Variants in PEAK1 observed in about 807,000 individuals in gnomAD.
PEAK1 encodes inactive tyrosine-protein kinase PEAK1.
In PEAK1, 54 loss-of-function variants were observed where a neutral mutation model predicts 124.7. The observed-to-expected ratio is 0.43, with a 90% CI of 0.35 to 0.54. PEAK1 has a LOEUF of 0.54. PEAK1 is among the 20% of genes least tolerant of loss of function. The pLI is 0.01. For missense variants in PEAK1, 2,046 were observed against 2,134.5 expected (o/e 0.96, Z 0.82); for synonymous variants, 719 against 760.0 (o/e 0.95, Z 0.89).
chr15:77,360,781 A>G (rs1334732755), intron 2 of PEAK1, among the ~76,000 whole-genome samples: 1 of 151,200 alleles, frequency 6.6e-6, no homozygotes, highest in Non-Finnish European at 1.5e-5. Context: ...TATATGTAAT[A>G]TAAATAAACA....
At chr15:77,198,644 T>C (rs2058220610) in intron 6 of PEAK1, among the ~76,000 whole-genome samples, 1 of 152,162 alleles carries the variant, frequency 6.6e-6, no homozygotes, top group African/African-American at 2.4e-5. Flanking sequence ...AAAACAGCAT[T>C]TGTATGGGTG....
chr15:77,337,867 A>AATTCCCT (rs1343538532), intron 2 of PEAK1: 10 of 985,250 alleles, frequency 1.0e-5, no homozygotes, highest in Non-Finnish European at 1.2e-5. Flanking sequence ...GAAAAAAATC[A>AATTCCCT]ATTCCCTTGT....
rs372472603 is a variant in PEAK1, at chr15:77,114,852, G to A, written c.4545C>T (p.Cys1515=). The A allele has an allele frequency of 3.7e-6, 6 of 1,613,216 alleles. No homozygotes were observed. The African/African-American group carries it at 5.3e-5, about 14-fold the overall frequency. Residue 1515 remains cysteine (C), a synonymous_variant, in exon 10 of 10, where the codon TGC becomes TGT. Transcript: ENST00000682557. The part of the protein sequence containing the change: ...EHLKPYHVTH[C]DLRLENLLLV... ...GTAGCAGGTTCTCTAGGCGTAGATC[G>A]CAGTGAGTGACATGGTAGGGTTTGA... is the stretch of plus-strand genomic sequence containing the variant.
At chr15:77,278,760 G>A in intron 5 of PEAK1, 1 of 467,774 alleles carries the variant, frequency 2.1e-6, no homozygotes, top group South Asian at 1.7e-5. Flanking sequence ...TTTGATAACT[G>A]TGTACTTCTG....
At chr15:77,337,665 A>T (rs1004731062) in intron 2 of PEAK1, 1 of 985,400 alleles carries the variant, frequency 1.0e-6, no homozygotes, top group Non-Finnish European at 1.2e-6. Flanking sequence ...ACCATGGCAT[A>T]TGCAAAAAAT....
intron 1 of PEAK1, among the ~76,000 whole-genome samples, chr15:77,391,602 T>C (rs1225451008): frequency 6.6e-6 from 1 of 151,850 alleles, no homozygotes; most frequent in Non-Finnish European, 1.5e-5. Context: ...GTACTATTTC[T>C]GGCTCAGGCT....
chr15:77,364,858 T>A (rs915066123), intron 2 of PEAK1, among the ~76,000 whole-genome samples: 2 of 152,182 alleles, frequency 1.3e-5, no homozygotes, highest in Admixed American at 6.5e-5. Flanking sequence ...TCAAAAATAT[T>A]AGATTATAAT....
At chr15:77,352,817 A>T (rs2067286887) in intron 2 of PEAK1, 7 of 985,174 alleles carry the variant, frequency 7.1e-6, no homozygotes, top group Non-Finnish European at 8.4e-6. Context: ...TTGAAGATAG[A>T]TGTGCCAAAC....
chr15:77,129,717 A>C (rs1466601190), intron 9 of PEAK1, among the ~76,000 whole-genome samples: 2 of 151,518 alleles, frequency 1.3e-5, no homozygotes, highest in African/African-American at 4.9e-5. Flanking sequence ...AACTGTTGAG[A>C]TTACAGGCGT....
At chr15:77,258,836 C>T (rs181980033) in intron 5 of PEAK1, among the ~76,000 whole-genome samples, 1 of 152,122 alleles carries the variant, frequency 6.6e-6, no homozygotes. Context: ...AGTTTTTGCC[C>T]ATTCAGTATG....
chr15:77,182,920 G>A (rs965770658), intron 6 of PEAK1, among the ~76,000 whole-genome samples: 1 of 151,824 alleles, frequency 6.6e-6, no homozygotes, highest in African/African-American at 2.4e-5. Flanking sequence ...AGACAGCTCT[G>A]ACCAAAACCC....
chr15:77,258,318 A>T (rs1010770269), intron 5 of PEAK1, among the ~76,000 whole-genome samples: 1 of 152,212 alleles, frequency 6.6e-6, no homozygotes, highest in Non-Finnish European at 1.5e-5. Context: ...TACCTTGGGC[A>T]GTATGGCCTT....
At chr15:77,141,281 A>C (rs1771953588) in intron 8 of PEAK1, among the ~76,000 whole-genome samples, 1 of 152,212 alleles carries the variant, frequency 6.6e-6, no homozygotes, top group African/African-American at 2.4e-5. Context: ...TAAGAAGACA[A>C]TTCTATTTAC....
At chr15:77,196,791 G>C (rs961211259) in intron 6 of PEAK1, among the ~76,000 whole-genome samples, 1 of 151,900 alleles carries the variant, frequency 6.6e-6, no homozygotes, top group African/African-American at 2.4e-5. Context: ...GTGATTTTTT[G>C]GTATACTTTA....
intron 1 of PEAK1, chr15:77,371,232 T>C: frequency 1.0e-6 from 1 of 984,058 alleles, no homozygotes; most frequent in Non-Finnish European, 1.2e-6. Context: ...CACATTCTGG[T>C]TCACTCCAAA....
exon 7 of PEAK1, chr15:77,101,230 T>C (rs895675936): frequency 2.0e-5 from 3 of 152,346 alleles, no homozygotes; most frequent in South Asian, 2.1e-4. Context: ...TGATGTGCTA[T>C]GTCACCATCG....
At chr15:77,355,231 G>A (rs1216412488) in intron 2 of PEAK1, among the ~76,000 whole-genome samples, 1 of 152,152 alleles carries the variant, frequency 6.6e-6, no homozygotes, top group Non-Finnish European at 1.5e-5. Flanking sequence ...GGAGAGATAC[G>A]ATTGACAGAC....
At chr15:77,155,424 G>A (rs2055037647) in intron 8 of PEAK1, 1 of 152,156 alleles carries the variant, frequency 6.6e-6, no homozygotes, top group South Asian at 2.1e-4. Context: ...TTTGCCATTG[G>A]TTAGAATTTC....
chr15:77,406,823 C>A (rs1343469621), intron 1 of PEAK1, among the ~76,000 whole-genome samples: 2 of 152,088 alleles, frequency 1.3e-5, no homozygotes, highest in Non-Finnish European at 2.9e-5. Context: ...CAAAGCAAGA[C>A]TAAGCAAAAA....
Sources: allele counts gnomAD v4.1 joint callset (sites outside exome capture counted in the v4.1 genomes callset), GRCh38; gene constraint gnomAD v4.1.1; transcripts MANE v1.5; gene names NCBI Gene and HGNC (gene_info 2026-07-23, HGNC 2026-07-21).